Variants in MMP16 observed in about 807,000 individuals in gnomAD.
MMP16 encodes matrix metalloproteinase-16.
A neutral mutation model predicts 67.8 loss-of-function variants in MMP16; 12 were observed. The observed-to-expected ratio is 0.18, with a 90% CI of 0.11 to 0.29. MMP16 has a LOEUF of 0.29. Among genes scored for constraint, MMP16 ranks in the 10% least tolerant of loss-of-function variants. MMP16 has a pLI of 1.00. For missense variants in MMP16, 475 were observed against 765.7 expected (o/e 0.62, Z 4.48); for synonymous variants, 249 against 255.9 (o/e 0.97, Z 0.26).
rs2118515534 is a variant in MMP16 at position 88,146,895 on chromosome 8, C to A, written c.709+20774G>T. ...TGAACAATTTATACTCCAAATTTTT[C>A]CCCAACTGTTTGAACAATTTATACT... On this transcript the variant is annotated intron_variant, in intron 4 of 9. Coordinates refer to ENST00000286614, the MANE Select transcript of MMP16 (RefSeq NM_005941.5). Among the ~76,000 whole-genome samples the A allele has an allele frequency of 1.3e-5, 2 of 151,906 alleles. 1 individual carries two copies. Among genetic ancestry groups the A allele is most frequent in the South Asian group, 4.1e-4 (2 of 4,822 alleles).
At chr8:88,235,542 G>C (rs183149248) in intron 1 of MMP16, among the ~76,000 whole-genome samples, 2 of 152,128 alleles carry the variant, frequency 1.3e-5, no homozygotes, top group East Asian at 3.9e-4. Flanking sequence ...TTTTGTTTTT[G>C]TTTTTCTATG....
At chr8:88,127,917 G>C (rs1270152624) in intron 4 of MMP16, among the ~76,000 whole-genome samples, 1 of 151,800 alleles carries the variant, frequency 6.6e-6, no homozygotes, top group African/African-American at 2.4e-5. Flanking sequence ...AAAACTGCTT[G>C]AAGACATACT....
chr8:88,046,811 A>G (rs777837424), intron 8 of MMP16, 27 bp from the exon 9 acceptor site: 36 of 1,405,806 alleles, frequency 2.6e-5, no homozygotes, highest in Non-Finnish European at 3.5e-5. Flanking sequence ...CAACAACAAC[A>G]AACACAATAA....
chr8:88,057,465 G>A (rs1808346042), intron 7 of MMP16, among the ~76,000 whole-genome samples: 1 of 152,012 alleles, frequency 6.6e-6, no homozygotes, highest in African/African-American at 2.4e-5. Context: ...TTCTCCTGGG[G>A]CTTCTGAAAC....
intron 1 of MMP16, among the ~76,000 whole-genome samples, chr8:88,239,486 G>C (rs1162358595): frequency 6.6e-6 from 1 of 150,942 alleles, no homozygotes; most frequent in South Asian, 2.1e-4. Flanking sequence ...CCATTATCTT[G>C]GCATCTACCG....
At chr8:88,086,302 G>C (rs1808832696) in intron 6 of MMP16, among the ~76,000 whole-genome samples, 1 of 151,868 alleles carries the variant, frequency 6.6e-6, no homozygotes, top group Non-Finnish European at 1.5e-5. Flanking sequence ...TTCCAGATAA[G>C]AATGCACCAC....
chr8:88,262,723 C>A (rs1256578811), intron 1 of MMP16, among the ~76,000 whole-genome samples: 2 of 151,788 alleles, frequency 1.3e-5, no homozygotes, highest in African/African-American at 4.8e-5. Context: ...TGAATTCAGG[C>A]TGGGTGCGGT....
chr8:88,227,155 C>T (rs1809783783), intron 1 of MMP16, among the ~76,000 whole-genome samples: 1 of 151,836 alleles, frequency 6.6e-6, no homozygotes, highest in Non-Finnish European at 1.5e-5. Context: ...CACACTGTGT[C>T]TCACAAAGGC....
Position 88,041,923 on chromosome 8 carries a change from A to C in MMP16, c.1490-128T>G. 1 of 716,502 alleles carries C rather than the reference A, an allele frequency of 1.4e-6. No homozygotes were observed. Among genetic ancestry groups the C allele is most frequent in the East Asian group, 2.7e-5 (1 of 36,886 alleles). The allele number at this position is 716,502 out of a possible 1,614,324, so 44.4% of individuals were successfully genotyped here. On this transcript the variant is annotated intron_variant, in intron 9 of 9. Coordinates refer to ENST00000286614, the MANE Select transcript of MMP16 (RefSeq NM_005941.5). The surrounding 1 kb of genome is among the most constrained non-coding windows in gnomAD (Gnocchi z 6.0). Reference sequence around the variant, plus strand: ...AAGGCCCTTTAATTTTCATAGGAAGAAAACACTATTTTCAGCTCAGCTGTC... The same window carrying C: ...AAGGCCCTTTAATTTTCATAGGAAGCAAACACTATTTTCAGCTCAGCTGTC...
At chr8:88,243,789 T>C (rs1379509558) in intron 1 of MMP16, among the ~76,000 whole-genome samples, 1 of 152,164 alleles carries the variant, frequency 6.6e-6, no homozygotes, top group Non-Finnish European at 1.5e-5. Flanking sequence ...CATTGTTTTA[T>C]TTGGGCAACT....
chr8:88,054,048 T>C (rs1232169092), intron 8 of MMP16, among the ~76,000 whole-genome samples: 2 of 152,182 alleles, frequency 1.3e-5, no homozygotes, highest in Admixed American at 1.3e-4. Flanking sequence ...TTTAAGGTAG[T>C]TCACGTTTAA....
intron 1 of MMP16, among the ~76,000 whole-genome samples, chr8:88,320,678 T>G (rs746032870): frequency 6.6e-6 from 1 of 152,182 alleles, no homozygotes; most frequent in Non-Finnish European, 1.5e-5. Flanking sequence ...TTTTGCAACA[T>G]CTGATTGCAC....
At chr8:88,091,565 ACACACT>A (rs1260872199) in intron 6 of MMP16, among the ~76,000 whole-genome samples, 5 of 150,230 alleles carry the variant, frequency 3.3e-5, no homozygotes, top group East Asian at 2.0e-4. Context: ...ACACAAACAC[ACACACT>A]CACACACACA....
intron 1 of MMP16, among the ~76,000 whole-genome samples, chr8:88,219,759 A>C (rs1039429091): frequency 6.6e-6 from 1 of 152,162 alleles, no homozygotes; most frequent in African/African-American, 2.4e-5. Flanking sequence ...GTAGCTTCAA[A>C]TGCAGAGCTT....
At chr8:88,241,260 C>A (rs1810029322) in intron 1 of MMP16, among the ~76,000 whole-genome samples, 1 of 152,026 alleles carries the variant, frequency 6.6e-6, no homozygotes, top group Non-Finnish European at 1.5e-5. Context: ...ATTATGATTT[C>A]TTTAATTTCG....
At chr8:88,160,118 C>T (rs1328581205) in intron 4 of MMP16, among the ~76,000 whole-genome samples, 2 of 151,862 alleles carry the variant, frequency 1.3e-5, no homozygotes, top group African/African-American at 4.8e-5. Flanking sequence ...CTATCCCTCC[C>T]CCTTCCCCCA....
At chr8:88,308,913 A>T (rs145906731) in intron 1 of MMP16, among the ~76,000 whole-genome samples, 63 of 152,176 alleles carry the variant, frequency 4.1e-4, no homozygotes, top group African/African-American at 1.4e-3. Context: ...AAGTCTTCAT[A>T]ATTTAAAAAA....
intron 4 of MMP16, among the ~76,000 whole-genome samples, chr8:88,158,879 T>C (rs199601841): frequency 2.8e-4 from 42 of 152,194 alleles, no homozygotes; most frequent in African/African-American, 9.6e-4. Context: ...CAGCTTTCTA[T>C]ATACGGCTAG....
At chr8:88,074,852 C>A in intron 6 of MMP16, 109 bp from the exon 7 acceptor site, 1 of 1,355,322 alleles carries the variant, frequency 7.4e-7, no homozygotes, top group Non-Finnish European at 1.0e-6. Flanking sequence ...TATTTATTGT[C>A]TTACATTAAA....
Sources: gnomAD v4.1 joint callset for allele counts (sites outside exome capture counted in the v4.1 genomes callset) on GRCh38, gnomAD v4.1.1 for gene constraint, Gnocchi (gnomAD v3.1) non-coding constraint, MANE v1.5 for transcripts, NCBI Gene and HGNC (gene_info 2026-07-23, HGNC 2026-07-21) for gene names.